Variants in COL22A1 observed in about 807,000 individuals in gnomAD.
COL22A1 encodes the protein collagen alpha-1(XXII) chain.
A neutral mutation model predicts 248.9 loss-of-function variants in COL22A1; 221 were observed. The observed-to-expected ratio is 0.89, with a 90% CI of 0.80 to 0.99. The LOEUF is 0.99. Among genes scored for constraint, COL22A1 ranks in the 50% least tolerant of loss-of-function variants. The probability of loss-of-function intolerance (pLI) is 0.00; values close to 1 mark genes in which losing one functional copy is unlikely to be tolerated. For synonymous variants in COL22A1, 891 were observed against 793.4 expected (o/e 1.12, Z -2.07); for missense variants, 2,240 against 2,179.0 (o/e 1.03, Z -0.56).
intron 3 of COL22A1, among the ~76,000 whole-genome samples, chr8:138,854,482 A>T (rs912350782): frequency 6.6e-6 from 1 of 152,118 alleles, no homozygotes; most frequent in African/African-American, 2.4e-5. Context: ...CTCTCCTGGG[A>T]GGTAGCAGAG....
intron 41 of COL22A1, among the ~76,000 whole-genome samples, chr8:138,676,012 G>A (rs1233122726): frequency 2.6e-5 from 4 of 152,168 alleles, no homozygotes; most frequent in Non-Finnish European, 4.4e-5. Context: ...ACACTTCATT[G>A]ATTCTTAAGA....
intron 23 of COL22A1, among the ~76,000 whole-genome samples, chr8:138,733,890 T>C (rs900712485): frequency 6.6e-6 from 1 of 152,176 alleles, no homozygotes; most frequent in Non-Finnish European, 1.5e-5. Flanking sequence ...GTCCACCTTC[T>C]TCAATCAGGC....
At chr8:138,864,953 C>G (rs1822750898) in intron 3 of COL22A1, among the ~76,000 whole-genome samples, 1 of 152,236 alleles carries the variant, frequency 6.6e-6, no homozygotes, top group Non-Finnish European at 1.5e-5. Context: ...GGTTGTGGCA[C>G]CCCAGGGCAG....
At chr8:138,885,001 CAT>C (rs1726424926) in intron 1 of COL22A1, among the ~76,000 whole-genome samples, 1 of 142,348 alleles carries the variant, frequency 7.0e-6, no homozygotes, top group South Asian at 2.5e-4. Flanking sequence ...CACCCATGTG[CAT>C]ATGTGTGTGC....
Position 138,694,870 on chromosome 8 carries a change from C to T in COL22A1, c.2602G>A (p.Gly868Arg). The change falls in exon 33 of 65, where the codon GGG becomes AGG. Residue 868 changes from glycine to arginine, a missense_variant. Transcript: ENST00000303045. ...TPHPRMPGEQ[G>R]PKGEKGDPGL... ...GGATCGCCCTTCTCTCCTTTGGGCC[C>T]TTGTTCTCCCTGTTGGTGAGAAGCA... is the stretch of plus-strand genomic sequence containing the variant. The T allele has an allele frequency of 1.9e-6, 3 of 1,614,030 alleles. No individual in the cohort carries two copies. The highest frequency in any genetic ancestry group is 2.5e-6 in the Non-Finnish European group (3 of 1,179,982).
chr8:138,742,228 G>A (rs150039675), intron 22 of COL22A1, among the ~76,000 whole-genome samples: 692 of 151,838 alleles, frequency 4.6e-3, no homozygotes, highest in Non-Finnish European at 7.3e-3. Flanking sequence ...TGGAGTTGAT[G>A]GTGATGGTGA....
chr8:138,728,837 G>A (rs963856147), intron 23 of COL22A1, among the ~76,000 whole-genome samples: 1 of 152,100 alleles, frequency 6.6e-6, no homozygotes, highest in Non-Finnish European at 1.5e-5. Flanking sequence ...CAGCAGGTCA[G>A]GGACAGGCCC....
intron 42 of COL22A1, 75 bp downstream of exon 42, chr8:138,663,630 C>T (rs1484844798): frequency 8.5e-7 from 1 of 1,177,558 alleles, no homozygotes; most frequent in African/African-American, 1.5e-5. Flanking sequence ...TTTGGTGCTT[C>T]CCATTTAAAA....
chr8:138,701,224 T>C (rs1186950684), intron 31 of COL22A1, among the ~76,000 whole-genome samples: 1 of 152,198 alleles, frequency 6.6e-6, no homozygotes, highest in Non-Finnish European at 1.5e-5. Flanking sequence ...ATGCATCTTG[T>C]TCTTTTCCTG....
chr8:138,679,577 T>G, intron 40 of COL22A1, 40 bp downstream of exon 40: 3 of 1,578,548 alleles, frequency 1.9e-6, no homozygotes, highest in Non-Finnish European at 2.6e-6. Flanking sequence ...TGTCTTGTCC[T>G]TCTGTCTTTT....
rs569409830 is a variant in COL22A1, at chr8:138,898,436, A to G, written c.-73+15183T>C. On this transcript the variant is annotated intron_variant, in intron 1 of 64. Transcript: ENST00000303045. ...CCTCCGCCACCACTCCCCAAAAAAT[A>G]GCTAGCTCAGGATGGATTGCATCCT... Among the ~76,000 whole-genome samples, 283 of 151,568 alleles carry G rather than the reference A, an allele frequency of 1.9e-3. 2 individuals carry two copies. The highest frequency in any genetic ancestry group is 6.6e-3 in the African/African-American group (273 of 41,316).
intron 49 of COL22A1, among the ~76,000 whole-genome samples, chr8:138,632,525 T>C (rs1417753482): frequency 1.3e-5 from 2 of 152,206 alleles, no homozygotes; most frequent in Admixed American, 6.5e-5. Flanking sequence ...CCCGCAGTAC[T>C]CTATTGATGT....
chr8:138,616,863 G>A (rs972661634), intron 54 of COL22A1, 51 bp downstream of exon 54: 13 of 1,605,302 alleles, frequency 8.1e-6, no homozygotes, highest in Non-Finnish European at 1.0e-5. Flanking sequence ...TGTCTGGGAA[G>A]TGTAAGCTCT....
At chr8:138,761,394 G>A (rs914670921) in intron 17 of COL22A1, among the ~76,000 whole-genome samples, 2 of 152,050 alleles carry the variant, frequency 1.3e-5, no homozygotes, top group Non-Finnish European at 2.9e-5. Context: ...TTTTTAAATG[G>A]TTCCACGTTT....
intron 3 of COL22A1, among the ~76,000 whole-genome samples, chr8:138,872,638 C>T (rs1453370730): frequency 2.0e-5 from 3 of 152,220 alleles, no homozygotes; most frequent in South Asian, 2.1e-4. Flanking sequence ...GCCTTGTCCT[C>T]GGCCTCCGCC....
intron 45 of COL22A1, among the ~76,000 whole-genome samples, chr8:138,654,053 T>C (rs1822993442): frequency 6.6e-6 from 1 of 152,186 alleles, no homozygotes; most frequent in South Asian, 2.1e-4. Flanking sequence ...TTGATTTGAC[T>C]AAATATCTGT....
At chr8:138,655,820 C>A (rs994045208) in intron 45 of COL22A1, 77 bp downstream of exon 45, 5 of 1,246,666 alleles carry the variant, frequency 4.0e-6, no homozygotes, top group African/African-American at 3.0e-5. Context: ...TCAAAAAAAA[C>A]CCCAACTTAT....
At position 138,716,273 on chromosome 8, in the gene COL22A1, G is replaced by A; in HGVS notation, c.2417C>T (p.Pro806Leu). The change falls in exon 29 of 65, where the codon CCA becomes CTA. Residue 806 changes from proline to leucine, a missense_variant. Coordinates refer to ENST00000303045, the MANE Select transcript of COL22A1 (RefSeq NM_152888.3). ...CACACCTGGGAAGCCTGGAGCCCCT[G>A]GGAGGCCTGCTTCTCCCTGTGAGAA... ...RPGEKGEAGLPGAPGFPGVRG... is the reference protein window; with the variant it reads ...RPGEKGEAGLLGAPGFPGVRG... The A allele has an allele frequency of 6.3e-7, 1 of 1,592,102 alleles. No individual in the cohort carries two copies. Among genetic ancestry groups the A allele is most frequent in the South Asian group, 1.1e-5 (1 of 87,430 alleles).
chr8:138,599,562 T>C (rs552895511), intron 60 of COL22A1, among the ~76,000 whole-genome samples: 1 of 152,000 alleles, frequency 6.6e-6, no homozygotes, highest in East Asian at 1.9e-4. Context: ...TTAGCAAAAT[T>C]TTTTTTAAAA....
Sources: allele counts gnomAD v4.1 joint callset (sites outside exome capture counted in the v4.1 genomes callset), GRCh38; gene constraint gnomAD v4.1.1; transcripts MANE v1.5; gene names NCBI Gene and HGNC (gene_info 2026-07-23, HGNC 2026-07-21).